IGSF21: variants seen among roughly 807,000 people sequenced by gnomAD.
IGSF21 encodes immunoglobin superfamily member 21, also known as immunoglobulin superfamily member 21.
A neutral mutation model predicts 46.8 loss-of-function variants in IGSF21; 28 were observed. The ratio of observed to expected loss-of-function variants is 0.60; its 90% CI spans 0.44 to 0.82. The LOEUF (loss-of-function observed/expected upper bound fraction) is 0.82. Among genes scored for constraint, IGSF21 ranks in the 40% least tolerant of loss-of-function variants. The probability of loss-of-function intolerance (pLI) is 0.00; values close to 1 mark genes in which losing one functional copy is unlikely to be tolerated. For missense variants in IGSF21, 624 were observed against 665.5 expected (o/e 0.94, Z 0.69); for synonymous variants, 284 against 273.6 (o/e 1.04, Z -0.38).
At chr1:18,296,606 G>A (rs1021548056) in intron 3 of IGSF21, among the ~76,000 whole-genome samples, 1 of 152,174 alleles carries the variant, frequency 6.6e-6, no homozygotes, top group Non-Finnish European at 1.5e-5. Context: ...TCAGGGAAAG[G>A]TCAGAGAGTC....
chr1:18,133,914 G>A (rs2086345478), intron 1 of IGSF21, among the ~76,000 whole-genome samples: 1 of 152,190 alleles, frequency 6.6e-6, no homozygotes, highest in African/African-American at 2.4e-5. Flanking sequence ...AGCTTTCTAA[G>A]CATAAAATGA....
At chr1:18,306,166 A>G (rs939507799) in intron 3 of IGSF21, among the ~76,000 whole-genome samples, 2 of 152,164 alleles carry the variant, frequency 1.3e-5, no homozygotes, top group Non-Finnish European at 2.9e-5. Flanking sequence ...GATACCCTGT[A>G]TGCTCGGCCC....
intron 1 of IGSF21, among the ~76,000 whole-genome samples, chr1:18,161,440 C>T (rs1011721180): frequency 1.3e-5 from 2 of 152,100 alleles, no homozygotes; most frequent in Admixed American, 6.5e-5. Context: ...CCTGCAAATG[C>T]CAGCTTGAGT....
chr1:18,277,305 T>C (rs2085111728), intron 2 of IGSF21, among the ~76,000 whole-genome samples: 1 of 152,182 alleles, frequency 6.6e-6, no homozygotes. Context: ...CGTGGGGTGG[T>C]TGCAAGGATG....
chr1:18,249,427 C>T lies in IGSF21; in HGVS notation c.183+21417C>T, dbSNP rs577535451. Reference sequence around the variant, plus strand: ...GACACACCGCACAGTGAACAGATGGCTGAGTGAGAACGTGGAGGCTGCTTC... The same window carrying T: ...GACACACCGCACAGTGAACAGATGGTTGAGTGAGAACGTGGAGGCTGCTTC... On this transcript the variant is annotated intron_variant, in intron 2 of 9. Transcript: ENST00000251296. Among the ~76,000 whole-genome samples the T allele has an allele frequency of 3.3e-5, 5 of 152,208 alleles. No individual in the cohort carries two copies. In the East Asian group the frequency reaches 9.7e-4, roughly 29 times the overall value.
intron 1 of IGSF21, among the ~76,000 whole-genome samples, chr1:18,226,080 C>G (rs919345433): frequency 3.9e-5 from 6 of 152,212 alleles, no homozygotes; most frequent in Non-Finnish European, 8.8e-5. Context: ...CACATGTGAG[C>G]CAGTATCACA....
intron 2 of IGSF21, among the ~76,000 whole-genome samples, chr1:18,245,221 T>TTAC (rs1418866048): frequency 6.6e-6 from 1 of 152,210 alleles, no homozygotes; most frequent in Non-Finnish European, 1.5e-5. Flanking sequence ...AATAGGAAGG[T>TTAC]TACTTCTATT....
rs1053517723 is a variant in IGSF21, at chr1:18,154,466, G to A, written c.70+46268G>A. ...CAGCCACTCAGTCTTCTTGGCTCAC[G>A]GAGGCTGGGATCACCCCTGTCACCC... On this transcript the variant is annotated intron_variant, in intron 1 of 9. Transcript: ENST00000251296. Among the ~76,000 whole-genome samples, 38 of 152,040 alleles carry A rather than the reference G, an allele frequency of 2.5e-4. 1 individual carries two copies. The highest frequency in any genetic ancestry group is 9.8e-4 in the Admixed American group (15 of 15,268).
Position 18,326,974 on chromosome 1 carries a change from C to T in IGSF21, c.306-7918C>T, listed in dbSNP as rs146860734. 1.3e-3 allele frequency among the ~76,000 whole-genome samples: 191 copies of T among 152,152 alleles called. 4 individuals are homozygous for T. The South Asian group carries it at 0.023, about 19-fold the overall frequency. ...GCCAAGCAAGACAGTGGGGTGGAGG[C>T]GAGGAAACATCGATGAGCCTCCTGT... is the stretch of plus-strand genomic sequence containing the variant. On this transcript the variant is annotated intron_variant, in intron 3 of 9. Coordinates refer to ENST00000251296, the MANE Select transcript of IGSF21 (RefSeq NM_032880.5).
At chr1:18,358,383 C>A (rs140673136) in intron 4 of IGSF21, among the ~76,000 whole-genome samples, 44 of 152,310 alleles carry the variant, frequency 2.9e-4, no homozygotes, top group African/African-American at 9.9e-4. Context: ...AAAATATTAT[C>A]ATGTCAATAT....
intron 2 of IGSF21, among the ~76,000 whole-genome samples, chr1:18,261,777 G>T (rs577523608): frequency 6.6e-6 from 1 of 152,310 alleles, no homozygotes; most frequent in Non-Finnish European, 1.5e-5. Flanking sequence ...GGAGGGACTT[G>T]GGTCTGTCCT....
chr1:18,311,123 C>T (rs2085484373), intron 3 of IGSF21, among the ~76,000 whole-genome samples: 1 of 152,192 alleles, frequency 6.6e-6, no homozygotes, highest in South Asian at 2.1e-4. Context: ...CACCGCCTAA[C>T]AGTTTCAAAG....
Position 18,163,072 on chromosome 1 carries a change from C to T in IGSF21, c.70+54874C>T, listed in dbSNP as rs986902673. Among the ~76,000 whole-genome samples, 75 of 152,096 alleles carry T rather than the reference C, an allele frequency of 4.9e-4. 1 individual carries two copies. The highest frequency in any genetic ancestry group is 1.8e-3 in the African/African-American group (74 of 41,416). ...CCCCAGTCATTCTAGGGTGATTCTT[C>T]TGAATGAAAGATGTTTCCATGGGGC... On this transcript the variant is annotated intron_variant, in intron 1 of 9. Transcript: ENST00000251296.
chr1:18,217,579 G>A (rs554784115), intron 1 of IGSF21, among the ~76,000 whole-genome samples: 1 of 152,318 alleles, frequency 6.6e-6, no homozygotes, highest in East Asian at 1.9e-4. Flanking sequence ...TCAGCCATCT[G>A]TCTTCCTGCT....
chr1:18,212,582 C>A (rs1018408283), intron 1 of IGSF21, among the ~76,000 whole-genome samples: 1 of 152,202 alleles, frequency 6.6e-6, no homozygotes, highest in African/African-American at 2.4e-5. Flanking sequence ...AGGGCTAGCC[C>A]GGGGTCTTCT....
intron 3 of IGSF21, among the ~76,000 whole-genome samples, chr1:18,297,108 G>A (rs1304416236): frequency 1.3e-5 from 2 of 152,130 alleles, no homozygotes; most frequent in African/African-American, 4.8e-5. Flanking sequence ...TTCAGAGTCT[G>A]CCCGCCCCCC....
chr1:18,229,692 G>T (rs1328942999), intron 2 of IGSF21, among the ~76,000 whole-genome samples: 1 of 152,214 alleles, frequency 6.6e-6, no homozygotes, highest in East Asian at 1.9e-4. Context: ...TGCCATCCTG[G>T]ATAGATCAGT....
chr1:18,263,025 AT>A (rs2084960179), intron 2 of IGSF21, among the ~76,000 whole-genome samples: 1 of 152,208 alleles, frequency 6.6e-6, no homozygotes, highest in South Asian at 2.1e-4. Context: ...AAAAGGAAGC[AT>A]TCTGGACATC....
chr1:18,309,079 T>A (rs1307101473), intron 3 of IGSF21, among the ~76,000 whole-genome samples: 1 of 151,574 alleles, frequency 6.6e-6, no homozygotes, highest in South Asian at 2.1e-4. Context: ...CATACCCCCA[T>A]ACTCCCCGCC....
Sources: gnomAD v4.1 joint callset for allele counts (sites outside exome capture counted in the v4.1 genomes callset) on GRCh38, gnomAD v4.1.1 for gene constraint, MANE v1.5 for transcripts, NCBI Gene and HGNC (gene_info 2026-07-23, HGNC 2026-07-21) for gene names.